Variants in DYM observed in about 807,000 individuals in gnomAD.
DYM encodes the protein dyggve-Melchior-Clausen syndrome protein.
In DYM, 78 loss-of-function variants were observed where a neutral mutation model predicts 93.1. The ratio of observed to expected loss-of-function variants is 0.84; its 90% CI spans 0.70 to 1.01. The LOEUF is 1.01. Ranked by LOEUF, DYM falls within the 50% of genes least tolerant of loss-of-function variation. DYM has a pLI of 0.00. For synonymous variants in DYM, 321 were observed against 319.7 expected, an observed-to-expected ratio of 1.00 and a Z score of -0.04; for missense variants, 789 against 845.0, an observed-to-expected ratio of 0.93 and a Z score of 0.82.
intron 13 of DYM, among the ~76,000 whole-genome samples, chr18:49,227,916 A>G (rs1017675830): frequency 6.6e-6 from 1 of 151,686 alleles, no homozygotes; most frequent in Non-Finnish European, 1.5e-5. Context: ...GAAAACTCCT[A>G]CTCTTCACTA....
chr18:49,243,345 C>T lies in DYM; in HGVS notation c.1460+13665G>A, dbSNP rs910432438. 1.4e-4 allele frequency among the ~76,000 whole-genome samples: 21 copies of T among 152,210 alleles called. 1 individual carries two copies. Among genetic ancestry groups the T allele is most frequent in the Admixed American group, 6.5e-4 (10 of 15,280 alleles). On this transcript the variant is annotated intron_variant, in intron 13 of 17. Coordinates refer to ENST00000675505, the MANE Select transcript of DYM (RefSeq NM_001353214.3). ...TGATTATATGTCCCCTAAATACCTA[C>T]TCTTGTTTAAAATACTCCACGAAGA...
chr18:49,124,145 T>C (rs956830340), intron 15 of DYM, among the ~76,000 whole-genome samples: 9 of 152,234 alleles, frequency 5.9e-5, no homozygotes, highest in Non-Finnish European at 1.2e-4. Context: ...ACTAGGCACC[T>C]GCTACTTTAA....
chr18:49,230,931 G>A (rs780175675), intron 13 of DYM, among the ~76,000 whole-genome samples: 16 of 152,220 alleles, frequency 1.1e-4, no homozygotes, highest in South Asian at 2.1e-4. Context: ...ATTTCTACAC[G>A]ATGAATATAC....
chr18:49,276,421 C>A (rs2094848286), intron 10 of DYM, among the ~76,000 whole-genome samples: 1 of 151,488 alleles, frequency 6.6e-6, no homozygotes. Flanking sequence ...GGGATAAATC[C>A]CACTTGGATA....
chr18:49,071,486 G>A (rs2076886334), intron 17 of DYM, among the ~76,000 whole-genome samples: 1 of 152,240 alleles, frequency 6.6e-6, no homozygotes, highest in Admixed American at 6.5e-5. Context: ...GTGATGAACA[G>A]AGAAGACGAT....
In DYM at chr18:49,209,647, C is replaced by A; in HGVS notation, c.1529G>T (p.Cys510Phe). 7.8e-7 allele frequency: 1 copy of A among 1,289,656 alleles called. No homozygotes were observed. The highest frequency in any genetic ancestry group is 1.2e-5 in the South Asian group (1 of 81,000). 79.9% of individuals were successfully genotyped at this position (1,289,656 alleles called of 1,614,324 possible). Reference protein sequence around the residue: ...LDKLYFPHSHCSTLQHCFSTL... With the variant: ...LDKLYFPHSHFSTLQHCFSTL... ...CGAGAAGCAATGCTGAAGCGTAGAA[C>A]AGTGAGAGTGGGGGAAATACAGTTT... The change falls in exon 14 of 18, where the codon TGT becomes TTT. Residue 510 changes from cysteine to phenylalanine, a missense_variant. Transcript: ENST00000675505.
intron 1 of DYM, among the ~76,000 whole-genome samples, chr18:49,432,347 A>G (rs2080408824): frequency 6.6e-6 from 1 of 150,806 alleles, no homozygotes; most frequent in Non-Finnish European, 1.5e-5. Flanking sequence ...AAAAAAAAAA[A>G]AGAAAGAAAG....
At chr18:49,316,788 T>A (rs1419768309) in intron 8 of DYM, among the ~76,000 whole-genome samples, 1 of 152,054 alleles carries the variant, frequency 6.6e-6, no homozygotes, top group Non-Finnish European at 1.5e-5. Flanking sequence ...CTTTCCAGAA[T>A]GTCATATAAT....
chr18:49,307,579 C>T (rs1273713104), intron 8 of DYM, among the ~76,000 whole-genome samples: 1 of 152,204 alleles, frequency 6.6e-6, no homozygotes, highest in African/African-American at 2.4e-5. Flanking sequence ...GTACAACTAG[C>T]AGTCACTGCC....
intron 14 of DYM, among the ~76,000 whole-genome samples, chr18:49,176,072 T>C (rs117596865): frequency 1.3e-5 from 2 of 152,210 alleles, no homozygotes; most frequent in Admixed American, 6.5e-5. Flanking sequence ...TGGCAAAGTA[T>C]TGGACTAAAC....
chr18:49,198,614 G>A (rs1164422330), intron 14 of DYM, among the ~76,000 whole-genome samples: 4 of 151,226 alleles, frequency 2.6e-5, no homozygotes, highest in Non-Finnish European at 3.0e-5. Flanking sequence ...GCAGCCAAAA[G>A]ACACATGAAA....
chr18:49,138,095 CTTTTTT>C lies in DYM; in HGVS notation c.1729-19175_1729-19170del, dbSNP rs537944550. Among the ~76,000 whole-genome samples the C allele has an allele frequency of 1.2e-4, 18 of 152,116 alleles. No homozygotes were observed. In the South Asian group the frequency reaches 3.7e-3, roughly 32 times the overall value. On this transcript the variant is annotated intron_variant, in intron 15 of 17. Coordinates refer to ENST00000675505, the MANE Select transcript of DYM (RefSeq NM_001353214.3). ...GCAAAATGTTTAGGAAGGGGTTTTTCTTTTTTTATGTATGTGATTTATATATAAGAA... is the reference window on the plus strand; with the variant it reads ...GCAAAATGTTTAGGAAGGGGTTTTTCTATGTATGTGATTTATATATAAGAA...
At chr18:49,190,790 G>A (rs1288654379) in intron 14 of DYM, among the ~76,000 whole-genome samples, 1 of 151,832 alleles carries the variant, frequency 6.6e-6, no homozygotes, top group African/African-American at 2.4e-5. Context: ...CCCCCTACTC[G>A]TCCTCCCTCC....
At position 49,286,484 on chromosome 18, in the gene DYM, T is replaced by A; in HGVS notation, c.896A>T (p.Asp299Val). Residue 299 changes from aspartate (D) to valine (V), a missense_variant, in exon 9 of 18, where the codon GAT (aspartate) becomes GTT (valine). Coordinates refer to ENST00000675505, the MANE Select transcript of DYM (RefSeq NM_001353214.3). ...LVLANLTDAS[D>V]APNPYRQAIM... Reference sequence around the variant, plus strand: ...GGCTTGTCTGTAGGGGTTTGGCGCATCTGAGGCATCTGTCAGATTGGCCAA... The same window carrying A: ...GGCTTGTCTGTAGGGGTTTGGCGCAACTGAGGCATCTGTCAGATTGGCCAA... The A allele has an allele frequency of 6.2e-7, 1 of 1,614,146 alleles. No individual in the cohort carries two copies. Among genetic ancestry groups the A allele is most frequent in the Non-Finnish European group, 8.5e-7 (1 of 1,179,990 alleles).
In DYM at chr18:49,391,629, A is replaced by C. The variant is rs1035286426; in HGVS notation, c.157T>G (p.Leu53Val). ...CAGACTGAAATGGTTGCTTCCTCCAAGAGTTTCAACTCACTACTGGAGAGA... is the reference window on the plus strand; with the variant it reads ...CAGACTGAAATGGTTGCTTCCTCCACGAGTTTCAACTCACTACTGGAGAGA... ...APTSSSELKL[L>V]EEATISVCRS... The change falls in exon 3 of 18, where the codon TTG becomes GTG. Residue 53 changes from leucine to valine, a missense_variant. This residue lies in a region of DYM where 450 missense variants were observed against 436.2 expected (regional missense o/e 1.03). Coordinates refer to ENST00000675505, the MANE Select transcript of DYM (RefSeq NM_001353214.3). 1.2e-6 allele frequency: 2 copies of C among 1,613,520 alleles called. No homozygotes were observed. The highest frequency in any genetic ancestry group is 3.3e-5 in the Admixed American group (2 of 60,002).
intron 14 of DYM, among the ~76,000 whole-genome samples, chr18:49,195,610 G>T (rs1335303585): frequency 6.6e-6 from 1 of 152,116 alleles, no homozygotes; most frequent in Non-Finnish European, 1.5e-5. Context: ...CAGAATTGAA[G>T]CCAAAGCACC....
intron 16 of DYM, among the ~76,000 whole-genome samples, chr18:49,113,014 A>G (rs1252237030): frequency 6.6e-6 from 1 of 151,994 alleles, no homozygotes; most frequent in Non-Finnish European, 1.5e-5. Flanking sequence ...TCCTTAAGCA[A>G]CTGGGTAGAT....
chr18:49,057,956 G>A (rs1157380862), intron 17 of DYM, among the ~76,000 whole-genome samples: 1 of 152,220 alleles, frequency 6.6e-6, no homozygotes, highest in Non-Finnish European at 1.5e-5. Context: ...AAGACTGACT[G>A]TGATGTTGAG....
At chr18:49,166,501 A>G (rs1248908763) in intron 14 of DYM, among the ~76,000 whole-genome samples, 5 of 152,160 alleles carry the variant, frequency 3.3e-5, no homozygotes, top group Admixed American at 3.3e-4. Flanking sequence ...TTTTGGATAA[A>G]TTGCCTGAAG....
Sources: allele counts gnomAD v4.1 joint callset (sites outside exome capture counted in the v4.1 genomes callset), GRCh38; gene constraint gnomAD v4.1.1; regional missense constraint gnomAD v4.1.1; transcripts MANE v1.5; gene names NCBI Gene and HGNC (gene_info 2026-07-23, HGNC 2026-07-21).